The following SH3RF1 variants were observed in gnomAD, a reference collection of about 807,000 sequenced individuals.
The protein encoded by SH3RF1 is SH3 domain containing ring finger 1, also known as E3 ubiquitin-protein ligase SH3RF1.
SH3RF1 carries 32 observed loss-of-function variants against 74.0 expected under a neutral mutation model. The ratio of observed to expected loss-of-function variants is 0.43; its 90% CI spans 0.33 to 0.58. SH3RF1 has a LOEUF of 0.58. SH3RF1 is among the 20% of genes least tolerant of loss of function. SH3RF1 has a pLI of 0.05. For synonymous variants in SH3RF1, 396 were observed against 439.6 expected (o/e 0.90, Z 1.24); for missense variants, 954 against 1,130.9 (o/e 0.84, Z 2.24).
chr4:169,263,916 A>G (rs747729613), intron 2 of SH3RF1, among the ~76,000 whole-genome samples: 7 of 152,228 alleles, frequency 4.6e-5, no homozygotes, highest in Non-Finnish European at 1.0e-4. Flanking sequence ...AAATTATGCC[A>G]GGCAATGTGG....
At chr4:169,187,516 C>CTGTG (rs60705711) in intron 2 of SH3RF1, among the ~76,000 whole-genome samples, 6 of 144,184 alleles carry the variant, frequency 4.2e-5, no homozygotes, top group South Asian at 2.3e-4. Flanking sequence ...CAACGAATTT[C>CTGTG]TGTGTGTGTG....
intron 6 of SH3RF1, among the ~76,000 whole-genome samples, chr4:169,128,590 T>C (rs1279455752): frequency 6.6e-6 from 1 of 152,196 alleles, no homozygotes; most frequent in African/African-American, 2.4e-5. Flanking sequence ...TGTTTCTAAA[T>C]CAGTTTTCAA....
intron 2 of SH3RF1, among the ~76,000 whole-genome samples, chr4:169,197,216 G>A (rs1040887551): frequency 2.6e-5 from 4 of 152,120 alleles, no homozygotes; most frequent in South Asian, 4.2e-4. Context: ...TGGCTAGTCC[G>A]CTCTTGAGCT....
intron 2 of SH3RF1, among the ~76,000 whole-genome samples, chr4:169,219,350 T>C (rs1730524634): frequency 6.6e-6 from 1 of 152,112 alleles, no homozygotes; most frequent in African/African-American, 2.4e-5. Flanking sequence ...TTAATAAAAA[T>C]TACAGAAATT....
At chr4:169,264,357 G>A (rs1731320710) in intron 2 of SH3RF1, among the ~76,000 whole-genome samples, 1 of 152,068 alleles carries the variant, frequency 6.6e-6, no homozygotes, top group Non-Finnish European at 1.5e-5. Flanking sequence ...CCATGCATGT[G>A]ACCTCATTTT....
rs1230139909 is a variant in SH3RF1, at chr4:169,192,814, TATGTGATATATATATCATATAG to T, written c.394-36157_394-36136del. ...GTTTCTTTTATATATATATGATATA[TATGTGATATATATATCATATAG>T]ATGTGATATATATATCATATAGATG... On this transcript the variant is annotated intron_variant, in intron 2 of 11. Coordinates refer to ENST00000284637, the MANE Select transcript of SH3RF1 (RefSeq NM_020870.4). Among the ~76,000 whole-genome samples the T allele has an allele frequency of 5.3e-4, 79 of 148,506 alleles. 1 individual carries two copies. In the Middle Eastern group the frequency reaches 0.011, roughly 20 times the overall value.
intron 2 of SH3RF1, among the ~76,000 whole-genome samples, chr4:169,209,677 CAA>C (rs1218990637): frequency 1.3e-5 from 2 of 152,214 alleles, no homozygotes; most frequent in African/African-American, 2.4e-5. Flanking sequence ...TAAATATACT[CAA>C]GTTTGCTTAT....
chr4:169,130,016 A>G (rs199602308), intron 6 of SH3RF1, 30 bp downstream of exon 6: 453 of 1,578,376 alleles, frequency 2.9e-4, no homozygotes, highest in Non-Finnish European at 3.8e-4. Context: ...GACCTAAAAG[A>G]GAAATAAAAA....
In SH3RF1 at chr4:169,120,987, T is replaced by A. The variant is rs749264440; in HGVS notation, c.1349A>T (p.Tyr450Phe). 2 of 1,610,622 alleles carry A rather than the reference T, an allele frequency of 1.2e-6. No homozygotes were observed. The highest frequency in any genetic ancestry group is 8.5e-7 in the Non-Finnish European group (1 of 1,177,070). The change falls in exon 8 of 12, where the codon TAT becomes TTT. Residue 450 changes from tyrosine (Y) to phenylalanine (F), a missense_variant and splice_region_variant. By Grantham distance (22) the Tyr-to-Phe change is conservative. This residue lies in a region of SH3RF1 where 854 missense variants were observed against 962.5 expected (regional missense o/e 0.89). Coordinates refer to ENST00000284637, the MANE Select transcript of SH3RF1 (RefSeq NM_020870.4). ...AGGAGTGTATGGATATATAGCAACA[T>A]ACCTAGAATAGAAAATAATATTTGA... ...HLRPQTRPSV[Y>F]VAIYPYTPRK...
chr4:169,122,231 C>G lies in SH3RF1; in HGVS notation c.1215G>C (p.Leu405=). 6.2e-7 allele frequency: 1 copy of G among 1,610,404 alleles called. No individual in the cohort carries two copies. The highest frequency in any genetic ancestry group is 8.5e-7 in the Non-Finnish European group (1 of 1,178,186). The change falls in exon 7 of 12, where the codon CTG becomes CTC. Residue 405 remains leucine (L), a synonymous_variant. Transcript: ENST00000284637. ...GTGTGGAGGCAAGGACAGTGGCAGC[C>G]AGGAGAGGGGGTGGTGGAAGAGGAG... The part of the protein sequence containing the change: ...LNPPLPPPPL[L]AATVLASTPP...
intron 7 of SH3RF1, 116 bp from the exon 8 acceptor site, chr4:169,121,105 A>G: frequency 4.9e-6 from 4 of 810,636 alleles, no homozygotes; most frequent in Non-Finnish European, 8.0e-6. Context: ...AACTGAAAGT[A>G]TAATCCTTTA....
At chr4:169,118,337 G>C (rs1579090605) in intron 8 of SH3RF1, among the ~76,000 whole-genome samples, 1 of 152,210 alleles carries the variant, frequency 6.6e-6, no homozygotes, top group Non-Finnish European at 1.5e-5. Flanking sequence ...CCTTGCCTCA[G>C]ATTCAGGTTT....
chr4:169,165,389 G>C (rs1734218754), intron 2 of SH3RF1, among the ~76,000 whole-genome samples: 1 of 152,132 alleles, frequency 6.6e-6, no homozygotes, highest in Admixed American at 6.6e-5. Flanking sequence ...GTATTAAAGA[G>C]GTTGGGTAAC....
At chr4:169,144,765 T>C (rs1185619992) in intron 4 of SH3RF1, among the ~76,000 whole-genome samples, 1 of 152,142 alleles carries the variant, frequency 6.6e-6, no homozygotes, top group African/African-American at 2.4e-5. Flanking sequence ...CAACTGATTT[T>C]TTTTTTTAAG....
chr4:169,207,430 T>TA (rs1382864985), intron 2 of SH3RF1, among the ~76,000 whole-genome samples: 1 of 152,180 alleles, frequency 6.6e-6, no homozygotes, highest in African/African-American at 2.4e-5. Context: ...CTGTCTCAAA[T>TA]AAATAAGTAA....
chr4:169,248,316 G>T (rs1386400787), intron 2 of SH3RF1, among the ~76,000 whole-genome samples: 1 of 152,164 alleles, frequency 6.6e-6, no homozygotes, highest in Non-Finnish European at 1.5e-5. Flanking sequence ...CCATAAAAAA[G>T]AATGAGTTCA....
At chr4:169,176,459 T>C (rs1734422792) in intron 2 of SH3RF1, among the ~76,000 whole-genome samples, 1 of 152,244 alleles carries the variant, frequency 6.6e-6, no homozygotes, top group South Asian at 2.1e-4. Context: ...GGTGATCAAT[T>C]TTAACCGAAC....
At chr4:169,117,901 G>T in intron 8 of SH3RF1, 119 bp from the exon 9 acceptor site, 1 of 1,221,508 alleles carries the variant, frequency 8.2e-7, no homozygotes, top group South Asian at 1.6e-5. Context: ...AAAAATGAAT[G>T]GAATTATTTT....
chr4:169,241,991 T>A (rs1248549645), intron 2 of SH3RF1, among the ~76,000 whole-genome samples: 1 of 152,212 alleles, frequency 6.6e-6, no homozygotes, highest in African/African-American at 2.4e-5. Context: ...TATTCAGATT[T>A]TAAACAAAAT....
Sources: gnomAD v4.1 joint callset for allele counts (sites outside exome capture counted in the v4.1 genomes callset) on GRCh38, gnomAD v4.1.1 for gene constraint, gnomAD v4.1.1 regional missense constraint, MANE v1.5 for transcripts, NCBI Gene and HGNC (gene_info 2026-07-23, HGNC 2026-07-21) for gene names.